The following ADRA1D variants were observed in gnomAD, a reference collection of about 807,000 sequenced individuals.
ADRA1D encodes the protein adrenoceptor alpha 1D.
A neutral mutation model predicts 18.6 loss-of-function variants in ADRA1D; 22 were observed. The observed-to-expected ratio is 1.19, with a 90% CI of 0.85 to 1.69. ADRA1D has a LOEUF of 1.69. ADRA1D is among the 40% of genes most tolerant of loss of function. The probability of loss-of-function intolerance (pLI) is 0.00; values close to 1 mark genes in which losing one functional copy is unlikely to be tolerated. For synonymous variants in ADRA1D, 376 were observed against 388.2 expected (o/e 0.97, Z 0.37); for missense variants, 840 against 840.7 (o/e 1.00, Z 0.01).
intron 1 of ADRA1D, among the ~76,000 whole-genome samples, chr20:4,242,831 T>A (rs1369672893): frequency 6.6e-6 from 1 of 151,866 alleles, no homozygotes; most frequent in Non-Finnish European, 1.5e-5. Flanking sequence ...CTGTGAGTGG[T>A]CACTAGGAGT....
At chr20:4,243,444 G>A (rs1981264927) in intron 1 of ADRA1D, among the ~76,000 whole-genome samples, 1 of 152,212 alleles carries the variant, frequency 6.6e-6, no homozygotes, top group Non-Finnish European at 1.5e-5. Context: ...GCTGCGGTGA[G>A]GGTAGGGGAT....
At chr20:4,227,693 T>TCCCC (rs1837441741) in intron 1 of ADRA1D, among the ~76,000 whole-genome samples, 1 of 41,812 alleles carries the variant, frequency 2.4e-5, no homozygotes, top group African/African-American at 1.3e-4. Flanking sequence ...CCTCTCTCCC[T>TCCCC]CCCTCCCTCC....
intron 1 of ADRA1D, among the ~76,000 whole-genome samples, chr20:4,225,562 C>G (rs1980777840): frequency 6.6e-6 from 1 of 151,530 alleles, no homozygotes; most frequent in Non-Finnish European, 1.5e-5. Flanking sequence ...GCTGGGACTA[C>G]AGGGGTGCAC....
intron 1 of ADRA1D, among the ~76,000 whole-genome samples, chr20:4,229,432 G>A (rs928418450): frequency 1.3e-4 from 20 of 149,160 alleles, no homozygotes; most frequent in African/African-American, 2.0e-4. Flanking sequence ...AGATGGGGGC[G>A]AGTGTGCTTG....
intron 1 of ADRA1D, among the ~76,000 whole-genome samples, chr20:4,235,773 T>C (rs1300091406): frequency 6.6e-6 from 1 of 152,264 alleles, no homozygotes; most frequent in African/African-American, 2.4e-5. Flanking sequence ...CCTGTTCTCC[T>C]AGGTGACCAC....
At position 4,221,604 on chromosome 20, in the gene ADRA1D, G is replaced by C. The variant is rs1600843423; in HGVS notation, c.1638C>G (p.Val546=). 2 of 1,613,402 alleles carry C rather than the reference G, an allele frequency of 1.2e-6. No individual in the cohort carries two copies. The highest frequency in any genetic ancestry group is 4.5e-5 in the East Asian group (2 of 44,866). ...TGGCGCCCTCGGCCACCTCGTGTGGGACGCCTAGGGACACAGCCTCCACCT... is the reference window on the plus strand; with the variant it reads ...TGGCGCCCTCGGCCACCTCGTGTGGCACGCCTAGGGACACAGCCTCCACCT... ...RSEVEAVSLG[V]PHEVAEGATC... The change falls in exon 2 of 2, where the codon GTC becomes GTG. Residue 546 remains valine, a synonymous_variant. Transcript: ENST00000379453.
rs1221990067 is a variant in ADRA1D at position 4,248,464 on chromosome 20, C to T, written c.494G>A (p.Gly165Asp). The T allele has an allele frequency of 5.0e-6, 8 of 1,612,856 alleles. No homozygotes were observed. The highest frequency in any genetic ancestry group is 6.8e-6 in the Non-Finnish European group (8 of 1,179,624). ...GGCCCATACGTCGCAGAAGGCGCGG[C>T]CAAAGGCCCAGAAGCCCAGAACCTC... ...TMEVLGFWAF[G>D]RAFCDVWAAV... is the part of the protein sequence containing the mutation. Residue 165 changes from glycine (G) to aspartate (D), a missense_variant, in exon 1 of 2, where the codon GGC (glycine) becomes GAC (aspartate). Coordinates refer to ENST00000379453, the MANE Select transcript of ADRA1D (RefSeq NM_000678.4).
In ADRA1D at chr20:4,248,124, G is replaced by A. The variant is rs547077475; in HGVS notation, c.834C>T (p.Tyr278=). The change falls in exon 1 of 2, where the codon TAC becomes TAT. Residue 278 remains tyrosine, a synonymous_variant. Transcript: ENST00000379453. ...TGCGCGTGGTGCTGCGCGCGACCAC[G>A]TACACGCGGCAGTACATGACCACGA... is the stretch of plus-strand genomic sequence containing the variant. The part of the protein sequence containing the change: ...AVIVVMYCRV[Y]VVARSTTRSL... 1.1e-5 allele frequency: 18 copies of A among 1,567,470 alleles called. No individual in the cohort carries two copies. The African/African-American group carries it at 2.3e-4, about 20-fold the overall frequency.
chr20:4,224,416 C>T (rs1368267836), intron 1 of ADRA1D, among the ~76,000 whole-genome samples: 2 of 152,106 alleles, frequency 1.3e-5, no homozygotes, highest in Non-Finnish European at 2.9e-5. Context: ...ACATCCATAC[C>T]ATGGACCCAG....
At chr20:4,233,655 T>C (rs1395347835) in intron 1 of ADRA1D, among the ~76,000 whole-genome samples, 1 of 152,174 alleles carries the variant, frequency 6.6e-6, no homozygotes, top group East Asian at 1.9e-4. Context: ...CAAGTGCTTT[T>C]CGTGGTCCCC....
chr20:4,248,498 C>T lies in ADRA1D; in HGVS notation c.460G>A (p.Ala154Thr), dbSNP rs751936076. The T allele has an allele frequency of 1.2e-6, 2 of 1,613,612 alleles. No homozygotes were observed. The highest frequency in any genetic ancestry group is 8.5e-7 in the Non-Finnish European group (1 of 1,179,834). Residue 154 changes from alanine to threonine, a missense_variant, in exon 1 of 2, where the codon GCC becomes ACC. Ala to Thr is a moderately conservative substitution (Grantham distance 58, BLOSUM62 0). Coordinates refer to ENST00000379453, the MANE Select transcript of ADRA1D (RefSeq NM_000678.4). Reference protein sequence around the residue: ...LLSATVLPFSATMEVLGFWAF... With the variant: ...LLSATVLPFSTTMEVLGFWAF... ...CAGAAGCCCAGAACCTCCATGGTGG[C>T]CGAGAAGGGCAGTACGGTGGCGCTC...
At position 4,249,027 on chromosome 20, in the gene ADRA1D, G is replaced by A; in HGVS notation, c.-70C>T. ...CGGCCGGCAGGGAGGGGAGCACAGG[G>A]CATAGCCGCGGGGCTCCAGATGCAG... On this transcript the variant is annotated 5_prime_UTR_variant, in exon 1 of 2. Transcript: ENST00000379453. The A allele has an allele frequency of 8.8e-7, 1 of 1,137,732 alleles. No individual in the cohort carries two copies. Among genetic ancestry groups the A allele is most frequent in the South Asian group, 1.9e-5 (1 of 53,262 alleles). 70.5% of individuals were successfully genotyped at this position (1,137,732 alleles called of 1,614,324 possible).
intron 1 of ADRA1D, among the ~76,000 whole-genome samples, chr20:4,235,331 AG>A (rs1981064066): frequency 6.6e-6 from 1 of 152,218 alleles, no homozygotes; most frequent in Non-Finnish European, 1.5e-5. Flanking sequence ...GATGAGCCAT[AG>A]GCCTGTCCCG....
chr20:4,238,342 C>G (rs1433109532), intron 1 of ADRA1D, among the ~76,000 whole-genome samples: 1 of 152,040 alleles, frequency 6.6e-6, no homozygotes, highest in South Asian at 2.1e-4. Context: ...AATATGCTTA[C>G]AAGTAGGTGA....
chr20:4,235,575 C>T (rs1233793672), intron 1 of ADRA1D, among the ~76,000 whole-genome samples: 2 of 152,266 alleles, frequency 1.3e-5, no homozygotes, highest in Admixed American at 6.5e-5. Context: ...AGGCTGGCCC[C>T]TGATCCAAGC....
At chr20:4,245,044 T>G (rs1444668202) in intron 1 of ADRA1D, among the ~76,000 whole-genome samples, 1 of 152,198 alleles carries the variant, frequency 6.6e-6, no homozygotes, top group Non-Finnish European at 1.5e-5. Flanking sequence ...GAAAGAGCTG[T>G]GCGTGCCAGC....
At position 4,242,016 on chromosome 20, in the gene ADRA1D, C is replaced by A. The variant is rs182437112; in HGVS notation, c.1111+5831G>T. 3.6e-4 allele frequency among the ~76,000 whole-genome samples: 55 copies of A among 152,364 alleles called. 1 individual carries two copies. Among genetic ancestry groups the A allele is most frequent in the African/African-American group, 1.2e-3 (50 of 41,586 alleles). On this transcript the variant is annotated intron_variant, in intron 1 of 1. Coordinates refer to ENST00000379453, the MANE Select transcript of ADRA1D (RefSeq NM_000678.4). ...TCACTACCCAGGTCAAGGTATGGAA[C>A]TGTCCCAGCCCTTCAGAAAGTTTTC...
At position 4,222,429 on chromosome 20, in the gene ADRA1D, A is replaced by C. The variant is rs1052089171; in HGVS notation, c.1112-299T>G. On this transcript the variant is annotated intron_variant, in intron 1 of 1. Coordinates refer to ENST00000379453, the MANE Select transcript of ADRA1D (RefSeq NM_000678.4). This position sits in a 1 kb window ranked among gnomAD's most constrained non-coding sequence, Gnocchi z 4.3. ...TTTTGTAGCTCAAAACCGGTGCAAT[A>C]TTGGCAGTTTCGTATTATGAGACAA... The C allele has an allele frequency of 1.1e-5, 3 of 277,976 alleles. No homozygotes were observed. Among genetic ancestry groups the C allele is most frequent in the Non-Finnish European group, 2.0e-5 (3 of 149,950 alleles). 17.2% of individuals were successfully genotyped at this position (277,976 alleles called of 1,614,324 possible).
At position 4,248,241 on chromosome 20, in the gene ADRA1D, C is replaced by A; in HGVS notation, c.717G>T (p.Val239=). 6.2e-7 allele frequency: 1 copy of A among 1,605,352 alleles called. No individual in the cohort carries two copies. Among genetic ancestry groups the A allele is most frequent in the Non-Finnish European group, 8.5e-7 (1 of 1,176,362 alleles). The change falls in exon 1 of 2, where the codon GTG becomes GTT. Residue 239 remains valine (V), a synonymous_variant. Transcript: ENST00000379453. ...TACCGCAGAAGCGCTCGTCAGGGGG[C>A]ACGGGCTCCTTCCAGCCCAGCAGGG... ...VGPLLGWKEP[V]PPDERFCGIT...
Sources: gnomAD v4.1 joint callset for allele counts (sites outside exome capture counted in the v4.1 genomes callset) on GRCh38, gnomAD v4.1.1 for gene constraint, Gnocchi (gnomAD v3.1) non-coding constraint, MANE v1.5 for transcripts, NCBI Gene and HGNC (gene_info 2026-07-23, HGNC 2026-07-21) for gene names.